The following ATXN7L1 variants were observed in gnomAD, a reference collection of about 807,000 sequenced individuals.
ATXN7L1 encodes the protein ataxin-7-like protein 1.
ATXN7L1 carries 15 observed loss-of-function variants against 70.8 expected under a neutral mutation model. The observed-to-expected ratio is 0.21, with a 90% CI of 0.14 to 0.33. The LOEUF (loss-of-function observed/expected upper bound fraction) is 0.33, where lower values mean the gene tolerates loss of function less well. ATXN7L1 is among the 10% of genes least tolerant of loss of function. The pLI, the probability that ATXN7L1 is intolerant of heterozygous loss-of-function variation, is 1.00. For synonymous variants in ATXN7L1, 440 were observed against 445.1 expected, an observed-to-expected ratio of 0.99 and a Z score of 0.14; for missense variants, 975 against 1,097.1, an observed-to-expected ratio of 0.89 and a Z score of 1.57.
At chr7:105,764,301 GA>G (rs947373110) in intron 3 of ATXN7L1, among the ~76,000 whole-genome samples, 16 of 148,778 alleles carry the variant, frequency 1.1e-4, no homozygotes, top group South Asian at 2.2e-4. Flanking sequence ...AAAGCTTAAA[GA>G]AAAAAAAAAA....
chr7:105,665,153 G>A lies in ATXN7L1; in HGVS notation c.491C>T (p.Pro164Leu), dbSNP rs146252838. 3,635 of 1,551,742 alleles carry A rather than the reference G, an allele frequency of 2.3e-3. 18 individuals are homozygous for A. The highest frequency in any genetic ancestry group is 2.5e-3 in the Non-Finnish European group (2,921 of 1,147,008). The change falls in exon 4 of 12, where the codon CCA (proline) becomes CTA (leucine). Residue 164 changes from proline (P) to leucine (L), a missense_variant. By Grantham distance (98) the Pro-to-Leu change is moderately conservative. This residue lies in a region of ATXN7L1 where 192 missense variants were observed against 215.5 expected (regional missense o/e 0.89). Coordinates refer to ENST00000419735, the MANE Select transcript of ATXN7L1 (RefSeq NM_020725.2). ...TAGATTGTCTTTGGGCGTTTTGAAT[G>A]GCTTTGAGGTGCTGCTGGCAGAGTG... ...GHHSASSTSK[P>L]FKTPKDNLLT...
intron 9 of ATXN7L1, among the ~76,000 whole-genome samples, chr7:105,615,399 C>T (rs1793736729): frequency 1.3e-5 from 2 of 151,982 alleles, no homozygotes; most frequent in Non-Finnish European, 2.9e-5. Context: ...AGGCCAGCAT[C>T]CTCTCGCCTT....
intron 2 of ATXN7L1, among the ~76,000 whole-genome samples, chr7:105,802,476 A>C (rs1288493480): frequency 1.3e-5 from 2 of 152,182 alleles, no homozygotes; most frequent in African/African-American, 4.8e-5. Context: ...GGGGAAACAC[A>C]GACCTTTCCT....
intron 6 of ATXN7L1, among the ~76,000 whole-genome samples, chr7:105,639,043 A>T (rs75285193): frequency 6.6e-6 from 1 of 151,984 alleles, no homozygotes; most frequent in Non-Finnish European, 1.5e-5. Flanking sequence ...GGGCGACCCA[A>T]TGGCGGCCGC....
At position 105,645,714 on chromosome 7, in the gene ATXN7L1, G is replaced by A. The variant is rs543095455; in HGVS notation, c.579-2593C>T. Among the ~76,000 whole-genome samples, 82 of 151,836 alleles carry A rather than the reference G, an allele frequency of 5.4e-4. 1 individual carries two copies. Among genetic ancestry groups the A allele is most frequent in the African/African-American group, 1.9e-3 (77 of 41,414 alleles). On this transcript the variant is annotated intron_variant, in intron 4 of 11. Transcript: ENST00000419735. ...TGTAGTCCCAGCTACTCCAGAGGCT[G>A]AGGCAGGAGAATGGCGTGAACCCAG...
rs374738865 is a variant in ATXN7L1 at position 105,855,550 on chromosome 7, T to G, written c.250+20262A>C. Among the ~76,000 whole-genome samples the G allele has an allele frequency of 9.8e-5, 15 of 152,310 alleles. No individual in the cohort carries two copies. The South Asian group carries it at 3.1e-3, about 32-fold the overall frequency. ...GGTAGGAGAGTTTACACCATGGAAA[T>G]CATCACATACTACAAATCAGGGCAT... On this transcript the variant is annotated intron_variant, in intron 2 of 11. Transcript: ENST00000419735.
At chr7:105,642,027 A>G (rs1798331460) in intron 5 of ATXN7L1, among the ~76,000 whole-genome samples, 1 of 152,220 alleles carries the variant, frequency 6.6e-6, no homozygotes, top group African/African-American at 2.4e-5. Context: ...TCTGGCCACC[A>G]TCAGGGAGTG....
At chr7:105,706,684 C>T (rs374148112) in intron 3 of ATXN7L1, among the ~76,000 whole-genome samples, 2 of 152,224 alleles carry the variant, frequency 1.3e-5, no homozygotes, top group African/African-American at 2.4e-5. Context: ...GATCTGATAG[C>T]GCCCAAGGAC....
intron 2 of ATXN7L1, among the ~76,000 whole-genome samples, chr7:105,873,086 G>A (rs906715991): frequency 2.0e-5 from 3 of 152,154 alleles, no homozygotes; most frequent in Admixed American, 6.5e-5. Context: ...CCCGGGAGGC[G>A]GAGCTTGCAG....
At chr7:105,610,415 T>C in intron 11 of ATXN7L1, 114 bp downstream of exon 11, 1 of 946,984 alleles carries the variant, frequency 1.1e-6, no homozygotes, top group Non-Finnish European at 1.6e-6. Context: ...CAGGTAGCCA[T>C]GCTCTTAACT....
intron 3 of ATXN7L1, among the ~76,000 whole-genome samples, chr7:105,697,346 T>G (rs2116223904): frequency 6.6e-6 from 1 of 152,312 alleles, no homozygotes; most frequent in African/African-American, 2.4e-5. Flanking sequence ...CCCCCCTAGG[T>G]GCACGTTCTC....
In ATXN7L1 at chr7:105,642,984, G is replaced by A. The variant is rs752899801; in HGVS notation, c.716C>T (p.Pro239Leu). The A allele has an allele frequency of 1.3e-6, 2 of 1,551,832 alleles. No individual in the cohort carries two copies. The highest frequency in any genetic ancestry group is 2.4e-5 in the South Asian group (2 of 84,058). The change falls in exon 5 of 12, where the codon CCT (proline) becomes CTT (leucine). Residue 239 changes from proline to leucine, a missense_variant. Transcript: ENST00000419735. ...STSSSAVSTP[P>L]LIKPVLMSKS... Reference sequence around the variant, plus strand: ...GGACATCAGGACAGGCTTAATTAAAGGAGGGGTGGAGACGGCAGAGGACGA... The same window carrying A: ...GGACATCAGGACAGGCTTAATTAAAAGAGGGGTGGAGACGGCAGAGGACGA...
intron 3 of ATXN7L1, among the ~76,000 whole-genome samples, chr7:105,720,192 A>G (rs143090079): frequency 1.7e-4 from 26 of 152,348 alleles, no homozygotes; most frequent in African/African-American, 6.0e-4. Flanking sequence ...TCCCTAGTGC[A>G]GGTGGTTAAT....
chr7:105,736,578 C>G (rs476458), intron 3 of ATXN7L1, among the ~76,000 whole-genome samples: 8 of 152,140 alleles, frequency 5.3e-5, no homozygotes, highest in Non-Finnish European at 1.0e-4. Flanking sequence ...CTCTCTTACC[C>G]CTGATCATGC....
intron 2 of ATXN7L1, among the ~76,000 whole-genome samples, chr7:105,805,662 G>C (rs986343945): frequency 6.6e-6 from 1 of 152,242 alleles, no homozygotes; most frequent in African/African-American, 2.4e-5. Flanking sequence ...TGCTGCGGCA[G>C]AGGGCAGGGA....
chr7:105,687,229 C>T (rs1790039107), intron 3 of ATXN7L1, among the ~76,000 whole-genome samples: 1 of 152,180 alleles, frequency 6.6e-6, no homozygotes, highest in Admixed American at 6.5e-5. Context: ...TGAATCTGTA[C>T]CCCATGGAGG....
intron 7 of ATXN7L1, among the ~76,000 whole-genome samples, chr7:105,634,371 G>T (rs1370870795): frequency 6.6e-6 from 1 of 152,192 alleles, no homozygotes; most frequent in African/African-American, 2.4e-5. Context: ...GAGCGCATTA[G>T]GGAAGAGAGC....
Position 105,733,533 on chromosome 7 carries a change from T to C in ATXN7L1, c.355+55071A>G, listed in dbSNP as rs201432708. ...ATCCATCCACCCATCCATCCATCCATCCATCCACCCATCCATCCATCCACC... is the reference window on the plus strand; with the variant it reads ...ATCCATCCACCCATCCATCCATCCACCCATCCACCCATCCATCCATCCACC... On this transcript the variant is annotated intron_variant, in intron 3 of 11. Coordinates refer to ENST00000419735, the MANE Select transcript of ATXN7L1 (RefSeq NM_020725.2). Among the ~76,000 whole-genome samples, 215 of 103,930 alleles carry C rather than the reference T, an allele frequency of 2.1e-3. 3 individuals carry two copies. Among genetic ancestry groups the C allele is most frequent in the African/African-American group, 5.4e-3 (114 of 21,074 alleles). The allele number at this position is 103,930 out of a possible 152,430, so 68.2% of individuals were successfully genotyped here.
At chr7:105,807,596 C>T (rs1563109560) in intron 2 of ATXN7L1, among the ~76,000 whole-genome samples, 1 of 152,238 alleles carries the variant, frequency 6.6e-6, no homozygotes, top group African/African-American at 2.4e-5. Context: ...GGCCAACAGA[C>T]CATTAGCAAC....
Sources: allele counts gnomAD v4.1 joint callset (sites outside exome capture counted in the v4.1 genomes callset), GRCh38; gene constraint gnomAD v4.1.1; regional missense constraint gnomAD v4.1.1; transcripts MANE v1.5; gene names NCBI Gene and HGNC (gene_info 2026-07-23, HGNC 2026-07-21).